The following ACTN4 variants were observed in gnomAD, a reference collection of about 807,000 sequenced individuals.
The protein encoded by ACTN4 is actinin alpha 4, also known as alpha-actinin-4.
In ACTN4, 18 loss-of-function variants were observed where a neutral mutation model predicts 114.2. The observed-to-expected ratio is 0.16, with a 90% CI of 0.11 to 0.23. The LOEUF is 0.23. Ranked by LOEUF, ACTN4 falls within the 10% of genes least tolerant of loss-of-function variation. The pLI is 1.00. For synonymous variants in ACTN4, 515 were observed against 506.3 expected (o/e 1.02, Z -0.23); for missense variants, 722 against 1,262.9 (o/e 0.57, Z 6.49).
intron 1 of ACTN4, among the ~76,000 whole-genome samples, chr19:38,699,794 G>T (rs1293769831): frequency 6.6e-6 from 1 of 151,958 alleles, no homozygotes; most frequent in Non-Finnish European, 1.5e-5. Context: ...GAAGGATAGG[G>T]CATGGCATGT....
chr19:38,713,832 A>G (rs1450296480), intron 8 of ACTN4, among the ~76,000 whole-genome samples: 2 of 151,542 alleles, frequency 1.3e-5, no homozygotes, highest in African/African-American at 4.9e-5. Context: ...CCTCCTCTAC[A>G]CTGTTCACTG....
chr19:38,695,019 C>T (rs1968048576), intron 1 of ACTN4, among the ~76,000 whole-genome samples: 1 of 152,106 alleles, frequency 6.6e-6, no homozygotes, highest in Admixed American at 6.6e-5. Context: ...GGACTACAGG[C>T]GCTCAGTACC....
At chr19:38,698,632 G>T (rs1968169427) in intron 1 of ACTN4, among the ~76,000 whole-genome samples, 1 of 152,222 alleles carries the variant, frequency 6.6e-6, no homozygotes, top group Admixed American at 6.5e-5. Flanking sequence ...CTTTTGAGGG[G>T]TGCCCAGGGT....
chr19:38,729,157 G>A lies in ACTN4; in HGVS notation c.2577+3G>A, dbSNP rs767233697. 6 of 1,612,860 alleles carry A rather than the reference G, an allele frequency of 3.7e-6. No homozygotes were observed. Among genetic ancestry groups the A allele is most frequent in the Non-Finnish European group, 5.1e-6 (6 of 1,180,000 alleles). ...TCAAGGTCTTAGCAGGGGACAAGGT[G>A]AGCGAGACCCCTACGAGGTGCATGG... On this transcript the variant is annotated splice_donor_region_variant and intron_variant, in intron 20 of 20. Coordinates refer to ENST00000252699, the MANE Select transcript of ACTN4 (RefSeq NM_004924.6).
rs906047003 is a variant in ACTN4, at chr19:38,731,247, C to G, written c.*1815C>G. 1.3e-6 allele frequency: 2 copies of G among 1,595,810 alleles called. No homozygotes were observed. The highest frequency in any genetic ancestry group is 1.3e-5 in the African/African-American group (1 of 74,644). On this transcript the variant is annotated 3_prime_UTR_variant, in exon 21 of 21. Coordinates refer to ENST00000252699, the MANE Select transcript of ACTN4 (RefSeq NM_004924.6). ...GCCTAGGGGGAGGCTGCTTCTGAGC[C>G]CAGTGGCCCACAGGGAACCCACCTT...
chr19:38,729,186 C>T (rs370483670), intron 20 of ACTN4, 32 bp downstream of exon 20: 1 of 1,612,758 alleles, frequency 6.2e-7, no homozygotes, highest in Non-Finnish European at 8.5e-7. Flanking sequence ...TGCATGGGGG[C>T]TGGCGAGAGG....
intron 1 of ACTN4, among the ~76,000 whole-genome samples, chr19:38,673,527 T>TATATATATATG (rs1599779929): frequency 9.9e-6 from 1 of 100,854 alleles, no homozygotes; most frequent in East Asian, 2.5e-4. Context: ...TTATATATAT[T>TATATATATATG]CATATATACT....
Position 38,731,361 on chromosome 19 carries a change from G to C in ACTN4, c.*1929G>C. On this transcript the variant is annotated 3_prime_UTR_variant, in exon 21 of 21. Transcript: ENST00000252699. ...ACTCTGCCCCATCCCGGCAGGGTGA[G>C]TACAGGCTGATCCCTTCAATCCTCT... is the stretch of plus-strand genomic sequence containing the variant. 2 of 680,752 alleles carry C rather than the reference G, an allele frequency of 2.9e-6. No homozygotes were observed. Among genetic ancestry groups the C allele is most frequent in the Non-Finnish European group, 5.3e-6 (2 of 379,626 alleles). 42.2% of individuals were successfully genotyped at this position (680,752 alleles called of 1,614,324 possible). A position where few individuals can be genotyped will look rare whatever the true frequency, so the allele number is the denominator to read the frequency against.
In ACTN4 at chr19:38,721,508, G is replaced by A. The variant is rs773959878; in HGVS notation, c.1292-30G>A. ...ACTCCTGCCCCACAGCTGCCGTGCT[G>A]TGGTCTAAGCGTCTCTCTGCTCCTA... On this transcript the variant is annotated intron_variant, in intron 11 of 20. Coordinates refer to ENST00000252699, the MANE Select transcript of ACTN4 (RefSeq NM_004924.6). 5 of 1,613,106 alleles carry A rather than the reference G, an allele frequency of 3.1e-6. No homozygotes were observed. The South Asian group carries it at 4.4e-5, about 14-fold the overall frequency.
intron 1 of ACTN4, among the ~76,000 whole-genome samples, chr19:38,653,165 C>T (rs1976618283): frequency 3.3e-5 from 5 of 151,802 alleles, no homozygotes; most frequent in Admixed American, 2.6e-4. Context: ...GGGAGTTCTG[C>T]TGTTTCAACA....
chr19:38,709,577 G>A, intron 7 of ACTN4, 101 bp downstream of exon 7: 1 of 1,026,580 alleles, frequency 9.7e-7, no homozygotes, highest in South Asian at 1.3e-5. Flanking sequence ...CAGAGCTTTG[G>A]GTCACCTTGG....
intron 1 of ACTN4, among the ~76,000 whole-genome samples, chr19:38,699,940 G>C (rs1316874115): frequency 2.0e-5 from 3 of 152,122 alleles, no homozygotes; most frequent in Admixed American, 6.6e-5. Flanking sequence ...AAAGCTCAAA[G>C]AGAGACTCGA....
At chr19:38,691,099 A>G (rs778048090) in intron 1 of ACTN4, among the ~76,000 whole-genome samples, 1 of 152,170 alleles carries the variant, frequency 6.6e-6, no homozygotes, top group Non-Finnish European at 1.5e-5. Context: ...GTTTTTGATG[A>G]TGAAAAGTGC....
At chr19:38,686,709 A>G (rs911240748) in intron 1 of ACTN4, among the ~76,000 whole-genome samples, 12 of 151,840 alleles carry the variant, frequency 7.9e-5, no homozygotes, top group Admixed American at 7.9e-4. Flanking sequence ...CTCTTCCTGG[A>G]CTCTGTGTGG....
At chr19:38,704,866 G>T in intron 3 of ACTN4, 68 bp from the exon 4 acceptor site, 1 of 1,467,262 alleles carries the variant, frequency 6.8e-7, no homozygotes, top group Non-Finnish European at 9.5e-7. Flanking sequence ...GCCACCTTCA[G>T]GTTGGGCGGA....
chr19:38,697,950 C>T (rs548045796), intron 1 of ACTN4, among the ~76,000 whole-genome samples: 2 of 152,358 alleles, frequency 1.3e-5, no homozygotes, highest in African/African-American at 4.8e-5. Context: ...TGGCAGTGCT[C>T]TGGGGCTGTA....
intron 1 of ACTN4, among the ~76,000 whole-genome samples, chr19:38,680,930 A>C (rs1016097912): frequency 5.3e-5 from 8 of 151,990 alleles, no homozygotes; most frequent in Non-Finnish European, 1.0e-4. Flanking sequence ...GTTCGAGACC[A>C]GCCTGGCCAA....
chr19:38,723,758 GC>G, intron 13 of ACTN4, 36 bp downstream of exon 13: 1 of 1,541,862 alleles, frequency 6.5e-7, no homozygotes, highest in South Asian at 1.1e-5. Flanking sequence ...GGAGCTCTGT[GC>G]CCCTGCTGCC....
chr19:38,725,396 C>T lies in ACTN4; in HGVS notation c.2011-328C>T, dbSNP rs144120213. Among the ~76,000 whole-genome samples, 476 of 152,334 alleles carry T rather than the reference C, an allele frequency of 3.1e-3. 4 individuals are homozygous for T. Among genetic ancestry groups the T allele is most frequent in the African/African-American group, 0.011 (454 of 41,552 alleles). On this transcript the variant is annotated intron_variant, in intron 16 of 20. Coordinates refer to ENST00000252699, the MANE Select transcript of ACTN4 (RefSeq NM_004924.6). ...CCTCTAACAGCACTGAGCTGTCCTC[C>T]GTGAGCCTCGGTTTCTACCTCTGCA...
Sources: gnomAD v4.1 joint callset for allele counts (sites outside exome capture counted in the v4.1 genomes callset) on GRCh38, gnomAD v4.1.1 for gene constraint, MANE v1.5 for transcripts, NCBI Gene and HGNC (gene_info 2026-07-23, HGNC 2026-07-21) for gene names.